TLL1: variants seen among roughly 807,000 people sequenced by gnomAD.
The protein encoded by TLL1 is tolloid like 1, also known as tolloid-like protein 1.
TLL1 carries 49 observed loss-of-function variants against 128.2 expected under a neutral mutation model. That is an observed-to-expected ratio of 0.38 (90% CI 0.30 to 0.48). The LOEUF is 0.48. Among genes scored for constraint, TLL1 ranks in the 20% least tolerant of loss-of-function variants. The probability of loss-of-function intolerance (pLI) is 0.96; values close to 1 mark genes in which losing one functional copy is unlikely to be tolerated. For synonymous variants in TLL1, 454 were observed against 418.8 expected (o/e 1.08, Z -1.03); for missense variants, 1,123 against 1,242.0 (o/e 0.90, Z 1.44).
intron 1 of TLL1, among the ~76,000 whole-genome samples, chr4:165,945,931 G>A (rs1734225662): frequency 6.6e-6 from 1 of 152,132 alleles, no homozygotes; most frequent in African/African-American, 2.4e-5. Flanking sequence ...TTTTTCAGGT[G>A]AGCCCACTGT....
At chr4:166,048,873 G>A (rs534723117) in intron 12 of TLL1, among the ~76,000 whole-genome samples, 24 of 152,246 alleles carry the variant, frequency 1.6e-4, no homozygotes, top group African/African-American at 4.3e-4. Context: ...GATTAATACC[G>A]TTAACCACCA....
intron 8 of TLL1, among the ~76,000 whole-genome samples, chr4:166,024,141 G>T (rs10003271): frequency 0.15 from 22,916 of 152,082 alleles, 3,930 homozygotes; most frequent in African/African-American, 0.42. Context: ...GCTTTTGTCT[G>T]CCTGTTCATC....
intron 8 of TLL1, among the ~76,000 whole-genome samples, chr4:166,020,596 C>T (rs1189429174): frequency 1.3e-5 from 2 of 152,166 alleles, no homozygotes; most frequent in East Asian, 1.9e-4. Context: ...TTACCCTACT[C>T]ATAGGATTAC....
At chr4:166,048,241 A>G (rs1195942455) in intron 12 of TLL1, among the ~76,000 whole-genome samples, 1 of 140,704 alleles carries the variant, frequency 7.1e-6, no homozygotes, top group African/African-American at 3.1e-5. Context: ...CGTCTCGGAA[A>G]AAAAAAAAAA....
intron 1 of TLL1, among the ~76,000 whole-genome samples, chr4:165,901,165 C>T (rs12504692): frequency 0.29 from 44,708 of 151,762 alleles, 6,977 homozygotes; most frequent in East Asian, 0.51. Context: ...TCTTAGTTTC[C>T]TTGCATTGGA....
chr4:166,011,027 C>G (rs1253084616), intron 7 of TLL1, among the ~76,000 whole-genome samples: 1 of 151,280 alleles, frequency 6.6e-6, no homozygotes, highest in Non-Finnish European at 1.5e-5. Flanking sequence ...TATACCAATA[C>G]TGCACTGTTT....
intron 1 of TLL1, among the ~76,000 whole-genome samples, chr4:165,917,744 A>G (rs1732851379): frequency 6.6e-6 from 1 of 152,024 alleles, no homozygotes; most frequent in African/African-American, 2.4e-5. Flanking sequence ...GGGCATATTT[A>G]TTTCTCAATT....
chr4:165,989,978 G>T (rs1192922540), intron 2 of TLL1, among the ~76,000 whole-genome samples: 1 of 151,750 alleles, frequency 6.6e-6, no homozygotes, highest in Non-Finnish European at 1.5e-5. Flanking sequence ...TATTCTTAGA[G>T]AAATTATATA....
intron 1 of TLL1, among the ~76,000 whole-genome samples, chr4:165,970,349 GTTTT>G (rs1374717516): frequency 1.3e-5 from 2 of 152,082 alleles, no homozygotes; most frequent in African/African-American, 2.4e-5. Context: ...ATTCACAGTG[GTTTT>G]GGAAATGAAA....
chr4:165,924,646 A>C (rs992325540), intron 1 of TLL1, among the ~76,000 whole-genome samples: 1 of 152,210 alleles, frequency 6.6e-6, no homozygotes, highest in African/African-American at 2.4e-5. Flanking sequence ...CAGAAAATCT[A>C]GCTAAGATCA....
intron 8 of TLL1, among the ~76,000 whole-genome samples, chr4:166,020,028 T>G (rs961265186): frequency 6.6e-6 from 1 of 152,160 alleles, no homozygotes; most frequent in African/African-American, 2.4e-5. Context: ...GCTCTTGGCT[T>G]TAGAGACAGG....
intron 1 of TLL1, among the ~76,000 whole-genome samples, chr4:165,889,963 G>T (rs1244855428): frequency 1.3e-5 from 2 of 152,080 alleles, no homozygotes; most frequent in Non-Finnish European, 2.9e-5. Context: ...ACTTATAAAG[G>T]AAAGAGGTTT....
chr4:165,969,779 A>G (rs767520607), intron 1 of TLL1, among the ~76,000 whole-genome samples: 39 of 152,144 alleles, frequency 2.6e-4, no homozygotes, highest in Non-Finnish European at 5.3e-4. Context: ...ACTTCAATGG[A>G]CTTTTTCTTA....
chr4:165,883,633 A>C (rs1044996458), intron 1 of TLL1, among the ~76,000 whole-genome samples: 1 of 152,182 alleles, frequency 6.6e-6, no homozygotes, highest in Non-Finnish European at 1.5e-5. Context: ...CAGTAGTATA[A>C]ATATATAAGA....
intron 9 of TLL1, among the ~76,000 whole-genome samples, chr4:166,034,483 G>T (rs1738907722): frequency 6.6e-6 from 1 of 151,088 alleles, no homozygotes; most frequent in African/African-American, 2.4e-5. Context: ...TATGACTAGA[G>T]TCATTGATTC....
chr4:165,903,787 G>A (rs1732122605), intron 1 of TLL1, among the ~76,000 whole-genome samples: 1 of 150,212 alleles, frequency 6.7e-6, no homozygotes, highest in African/African-American at 2.5e-5. Context: ...TAAATAATAA[G>A]GCAGAAAGAC....
intron 15 of TLL1, among the ~76,000 whole-genome samples, chr4:166,062,580 C>T (rs1178809581): frequency 1.3e-5 from 2 of 152,178 alleles, no homozygotes; most frequent in Non-Finnish European, 2.9e-5. Flanking sequence ...TATTCTGAGA[C>T]TTTGCTGAAG....
intron 9 of TLL1, 94 bp from the exon 10 acceptor site, chr4:166,039,245 A>G (rs1739134952): frequency 1.2e-6 from 1 of 826,352 alleles, no homozygotes; most frequent in Non-Finnish European, 2.0e-6. Flanking sequence ...ATGCATTTTT[A>G]CTGTAGACCA....
chr4:166,062,922 G>A (rs1740396078), intron 15 of TLL1, among the ~76,000 whole-genome samples: 1 of 152,098 alleles, frequency 6.6e-6, no homozygotes, highest in African/African-American at 2.4e-5. Flanking sequence ...AGAGTTTTTA[G>A]CATGAAGGGC....
Sources: gnomAD v4.1 joint callset for allele counts (sites outside exome capture counted in the v4.1 genomes callset) on GRCh38, gnomAD v4.1.1 for gene constraint, MANE v1.5 for transcripts, NCBI Gene and HGNC (gene_info 2026-07-23, HGNC 2026-07-21) for gene names.